The following PARD3 variants were observed in gnomAD, a reference collection of about 807,000 sequenced individuals.
PARD3 encodes par-3 family cell polarity regulator.
A neutral mutation model predicts 155.4 loss-of-function variants in PARD3; 75 were observed. The ratio of observed to expected loss-of-function variants is 0.48; its 90% CI spans 0.40 to 0.58. PARD3 has a LOEUF of 0.58. Ranked by LOEUF, PARD3 falls within the 20% of genes least tolerant of loss-of-function variation. The pLI is 0.00. For synonymous variants in PARD3, 576 were observed against 610.5 expected (o/e 0.94, Z 0.83); for missense variants, 1,642 against 1,721.7 (o/e 0.95, Z 0.82).
chr10:34,750,803 C>CT (rs1472470748), intron 1 of PARD3, among the ~76,000 whole-genome samples: 5 of 151,694 alleles, frequency 3.3e-5, no homozygotes, highest in African/African-American at 1.2e-4. Context: ...ATTCTCCTGC[C>CT]TCGGCCTCCT....
intron 4 of PARD3, among the ~76,000 whole-genome samples, chr10:34,461,992 G>A (rs2077682541): frequency 6.6e-6 from 1 of 152,146 alleles, no homozygotes; most frequent in African/African-American, 2.4e-5. Context: ...ATGAGACTAG[G>A]TTATCAATAA....
At chr10:34,799,127 C>A (rs548745186) in intron 1 of PARD3, among the ~76,000 whole-genome samples, 1 of 152,150 alleles carries the variant, frequency 6.6e-6, no homozygotes, top group Non-Finnish European at 1.5e-5. Context: ...CTGCAACCTC[C>A]ACCTCCCGGG....
chr10:34,194,611 GCTT>G (rs762632920), intron 22 of PARD3, among the ~76,000 whole-genome samples: 10 of 68,162 alleles, frequency 1.5e-4, no homozygotes, highest in African/African-American at 4.3e-4. Flanking sequence ...ATATGCCAAA[GCTT>G]TTTTTTTTTT....
chr10:34,395,517 AT>A, intron 7 of PARD3, among the ~76,000 whole-genome samples: 1 of 152,304 alleles, frequency 6.6e-6, no homozygotes, highest in South Asian at 2.1e-4. Context: ...TTATTTTTGA[AT>A]AACATATACA....
chr10:34,480,382 A>G (rs1385095543), intron 3 of PARD3, among the ~76,000 whole-genome samples: 1 of 152,156 alleles, frequency 6.6e-6, no homozygotes, highest in African/African-American at 2.4e-5. Flanking sequence ...CTATAGGTGG[A>G]CACCACTACT....
At chr10:34,182,734 A>G (rs827477) in intron 22 of PARD3, among the ~76,000 whole-genome samples, 29,995 of 139,146 alleles carry the variant, frequency 0.22, 3,691 homozygotes, top group Non-Finnish European at 0.27. Context: ...GCTTCAAACT[A>G]CATTTCTTAA....
chr10:34,320,272 G>A, intron 19 of PARD3, among the ~76,000 whole-genome samples: 1 of 152,162 alleles, frequency 6.6e-6, no homozygotes, highest in East Asian at 1.9e-4. Flanking sequence ...TCTGACTACA[G>A]TAACACTAGG....
intron 1 of PARD3, among the ~76,000 whole-genome samples, chr10:34,767,616 T>C (rs1367942596): frequency 6.6e-6 from 1 of 151,456 alleles, no homozygotes; most frequent in Non-Finnish European, 1.5e-5. Context: ...GTTTGTTTTT[T>C]GAGATGGAGT....
rs1380306631 is a variant in PARD3 at position 34,378,105 on chromosome 10, A to G, written c.1401T>C (p.Gly467=). Residue 467 remains glycine (G), a splice_region_variant and synonymous_variant, in exon 10 of 25, where the codon GGT becomes GGC. Coordinates refer to ENST00000374788, the MANE Select transcript of PARD3 (RefSeq NM_001184785.2). Reference sequence around the variant, plus strand: ...TGATGCTGAATCCCAAACCTTCTGTACCTAGGTATGTGAAGGAGAAGAAAA... The same window carrying G: ...TGATGCTGAATCCCAAACCTTCTGTGCCTAGGTATGTGAAGGAGAAGAAAA... The part of the protein sequence containing the change: ...GKRLNIQLKK[G]TEGLGFSITS... 6.3e-7 allele frequency: 1 copy of G among 1,584,278 alleles called. No homozygotes were observed. The highest frequency in any genetic ancestry group is 8.6e-7 in the Non-Finnish European group (1 of 1,167,704).
At chr10:34,518,073 TTCA>T (rs1186754380) in intron 2 of PARD3, among the ~76,000 whole-genome samples, 8 of 152,112 alleles carry the variant, frequency 5.3e-5, no homozygotes, top group South Asian at 4.1e-4. Context: ...GAGACAGGGT[TTCA>T]TCATATTGGC....
intron 1 of PARD3, among the ~76,000 whole-genome samples, chr10:34,795,960 G>A (rs61840971): frequency 0.019 from 2,937 of 152,220 alleles, 44 homozygotes; most frequent in Middle Eastern, 0.031. Flanking sequence ...TACTCACACA[G>A]GTGGGATGAA....
intron 1 of PARD3, among the ~76,000 whole-genome samples, chr10:34,735,767 G>A (rs2133845493): frequency 6.6e-6 from 1 of 152,238 alleles, no homozygotes; most frequent in South Asian, 2.1e-4. Context: ...TAAAGTAAGT[G>A]GCGGATATCA....
At chr10:34,505,586 C>CT (rs1470031166) in intron 3 of PARD3, among the ~76,000 whole-genome samples, 1 of 150,218 alleles carries the variant, frequency 6.7e-6, no homozygotes, top group Non-Finnish European at 1.5e-5. Context: ...TGTGGACACC[C>CT]TACAGGCAGC....
At chr10:34,516,548 C>T (rs553475899) in intron 3 of PARD3, among the ~76,000 whole-genome samples, 1 of 152,244 alleles carries the variant, frequency 6.6e-6, no homozygotes, top group Non-Finnish European at 1.5e-5. Flanking sequence ...ATAACTTTGA[C>T]ACGGCGGTCT....
At chr10:34,127,384 C>T (rs138727077) in intron 23 of PARD3, among the ~76,000 whole-genome samples, 67 of 152,290 alleles carry the variant, frequency 4.4e-4, no homozygotes, top group African/African-American at 1.5e-3. Flanking sequence ...TTCTGACCAC[C>T]GCACACTGAT....
intron 22 of PARD3, among the ~76,000 whole-genome samples, chr10:34,146,394 A>C (rs1390523427): frequency 1.3e-5 from 2 of 152,220 alleles, no homozygotes; most frequent in Non-Finnish European, 2.9e-5. Context: ...CACTTTAGGA[A>C]TAATTTCTGT....
intron 2 of PARD3, among the ~76,000 whole-genome samples, chr10:34,652,872 G>C (rs2093054997): frequency 6.6e-6 from 1 of 152,196 alleles, no homozygotes; most frequent in Non-Finnish European, 1.5e-5. Context: ...AAGTGGGTTA[G>C]ATTTTGGCTG....
intron 2 of PARD3, among the ~76,000 whole-genome samples, chr10:34,549,215 T>G (rs907346386): frequency 6.6e-5 from 10 of 152,252 alleles, no homozygotes; most frequent in African/African-American, 2.4e-4. Context: ...ATTATGGGTA[T>G]GTGTTTCAAC....
At chr10:34,686,603 T>C (rs1471580683) in intron 2 of PARD3, among the ~76,000 whole-genome samples, 6 of 151,716 alleles carry the variant, frequency 4.0e-5, no homozygotes, top group African/African-American at 1.5e-4. Flanking sequence ...TAGCCAGGCA[T>C]GGTGGTGGGC....
Sources: allele counts gnomAD v4.1 joint callset (sites outside exome capture counted in the v4.1 genomes callset), GRCh38; gene constraint gnomAD v4.1.1; transcripts MANE v1.5; gene names NCBI Gene and HGNC (gene_info 2026-07-23, HGNC 2026-07-21).